The following F5 variants were observed in gnomAD, a reference collection of about 807,000 sequenced individuals.
The protein encoded by F5 is activated protein c cofactor.
F5 carries 138 observed loss-of-function variants against 216.4 expected under a neutral mutation model. The ratio of observed to expected loss-of-function variants is 0.64; its 90% CI spans 0.56 to 0.73. The LOEUF is 0.73. F5 is among the 30% of genes least tolerant of loss of function. The pLI, the probability that F5 is intolerant of heterozygous loss-of-function variation, is 0.00. For missense variants in F5, 2,403 were observed against 2,674.0 expected (o/e 0.90, Z 2.24); for synonymous variants, 916 against 930.7 (o/e 0.98, Z 0.29).
At chr1:169,577,018 A>T (rs542650174) in intron 2 of F5, among the ~76,000 whole-genome samples, 1 of 152,308 alleles carries the variant, frequency 6.6e-6, no homozygotes, top group African/African-American at 2.4e-5. Context: ...ACTTTCACGC[A>T]TGTAGGAAAA....
At chr1:169,516,351 C>T (rs1288207514) in intron 23 of F5, among the ~76,000 whole-genome samples, 1 of 152,146 alleles carries the variant, frequency 6.6e-6, no homozygotes, top group African/African-American at 2.4e-5. Context: ...GTTTTAGAGT[C>T]ATCTAAGATA....
chr1:169,524,907 G>A lies in F5; in HGVS notation c.5718C>T (p.Asp1906=). The A allele has an allele frequency of 6.2e-7, 1 of 1,611,866 alleles. No individual in the cohort carries two copies. Among genetic ancestry groups the A allele is most frequent in the Non-Finnish European group, 8.5e-7 (1 of 1,178,352 alleles). The change falls in exon 19 of 25, where the codon GAC becomes GAT. Residue 1906 remains aspartate, a splice_region_variant and synonymous_variant. Transcript: ENST00000367797. ...MQTPFLIMDR[D]CRMPMGLSTG... ...TGCTTAGTCCCATTGGCATCCTACA[G>A]TCTATGAAAAACAGAAAAAAAATGA...
intron 4 of F5, among the ~76,000 whole-genome samples, chr1:169,559,950 G>A (rs892844027): frequency 6.6e-6 from 1 of 152,084 alleles, no homozygotes; most frequent in Non-Finnish European, 1.5e-5. Flanking sequence ...CCCATGCTGT[G>A]GCTCACTGTG....
intron 10 of F5, among the ~76,000 whole-genome samples, chr1:169,546,837 A>G (rs1660016149): frequency 6.6e-6 from 1 of 152,090 alleles, no homozygotes; most frequent in Non-Finnish European, 1.5e-5. Flanking sequence ...TGGATTAAAG[A>G]CTTAAATGTA....
chr1:169,553,312 C>T (rs1660216297), intron 7 of F5, among the ~76,000 whole-genome samples: 1 of 152,188 alleles, frequency 6.6e-6, no homozygotes, highest in African/African-American at 2.4e-5. Flanking sequence ...ACCACTTTTC[C>T]CCTGCCCTCT....
chr1:169,524,870 ATATGATACCAGTGCTTAG>A lies in F5; in HGVS notation c.5737_5754del (p.Leu1913_Ile1918del). ...TCTGAAGCCTTGATCTGTGAATCAG[ATATGATACCAGTGCTTAG>A]TCCCATTGGCATCCTACAGTCTATG... On this transcript the variant is annotated inframe_deletion, in exon 19 of 25. Transcript: ENST00000367797. 1 of 1,613,858 alleles carries A rather than the reference ATATGATACCAGTGCTTAG, an allele frequency of 6.2e-7. No homozygotes were observed. Among genetic ancestry groups the A allele is most frequent in the Non-Finnish European group, 8.5e-7 (1 of 1,179,808 alleles).
chr1:169,553,524 C>T (rs748355314), intron 7 of F5, among the ~76,000 whole-genome samples: 2 of 152,094 alleles, frequency 1.3e-5, no homozygotes, highest in Non-Finnish European at 2.9e-5. Context: ...CTGGCTAACA[C>T]GGTGAAACCC....
In F5 at chr1:169,514,239, G is replaced by C. The variant is rs750633584; in HGVS notation, c.*74C>G. Reference sequence around the variant, plus strand: ...GAAAACTGTTAACATTTAACACAGCGTAAAATACATTGCCCATTCTAAATG... The same window carrying C: ...GAAAACTGTTAACATTTAACACAGCCTAAAATACATTGCCCATTCTAAATG... On this transcript the variant is annotated 3_prime_UTR_variant, in exon 25 of 25. Transcript: ENST00000367797. 1 of 1,441,668 alleles carries C rather than the reference G, an allele frequency of 6.9e-7. No individual in the cohort carries two copies. The highest frequency in any genetic ancestry group is 1.4e-5 in the African/African-American group (1 of 71,380). 89.3% of individuals were successfully genotyped at this position (1,441,668 alleles called of 1,614,324 possible). A position where few individuals can be genotyped will look rare whatever the true frequency, so the allele number is the denominator to read the frequency against.
chr1:169,541,615 A>T lies in F5; in HGVS notation c.3475T>A (p.Tyr1159Asn). ...SSPELSEMLE[Y>N]DRSHKSFPTD... ...GGGAAGGACTTGTGACTTCGGTCAT[A>T]CTCAAGCATTTCACTGAGCTCTGGA... Residue 1159 changes from tyrosine (Y) to asparagine (N), a missense_variant, in exon 13 of 25, where the codon TAT becomes AAT. This residue lies in a region of F5 where 1,425 missense variants were observed against 1,554.8 expected (regional missense o/e 0.92). Coordinates refer to ENST00000367797, the MANE Select transcript of F5 (RefSeq NM_000130.5). The T allele has an allele frequency of 1.2e-6, 2 of 1,614,118 alleles. No individual in the cohort carries two copies. Among genetic ancestry groups the T allele is most frequent in the Non-Finnish European group, 1.7e-6 (2 of 1,179,998 alleles).
chr1:169,519,335 T>TA (rs1226482412), intron 22 of F5, among the ~76,000 whole-genome samples: 9 of 152,206 alleles, frequency 5.9e-5, no homozygotes, highest in Non-Finnish European at 1.0e-4. Context: ...GCTTCTTGTA[T>TA]AAAAAATAGA....
chr1:169,552,066 T>C (rs1183475390), intron 8 of F5, among the ~76,000 whole-genome samples: 2 of 152,260 alleles, frequency 1.3e-5, no homozygotes, highest in African/African-American at 4.8e-5. Flanking sequence ...ATGCTGGTTA[T>C]AAGAATTTTA....
In F5 at chr1:169,572,286, T is replaced by G; in HGVS notation, c.308A>C (p.Lys103Thr). Residue 103 changes from lysine to threonine, a missense_variant, in exon 3 of 25, where the codon AAA becomes ACA. By Grantham distance (78) the Lys-to-Thr change is moderately conservative. This residue lies in a region of F5 where 1,425 missense variants were observed against 1,554.8 expected (regional missense o/e 0.92). Transcript: ENST00000367797. ...GCTCAAGGGCTTATCTGCCTTATTT[T>G]TAAAGTGAACTTTTATGATGTCTCC... ...EVGDIIKVHF[K>T]NKADKPLSIH... 6.2e-7 allele frequency: 1 copy of G among 1,613,406 alleles called. No homozygotes were observed. The highest frequency in any genetic ancestry group is 8.5e-7 in the Non-Finnish European group (1 of 1,179,672).
At chr1:169,578,870 A>G (rs1410902567) in intron 2 of F5, among the ~76,000 whole-genome samples, 1 of 152,148 alleles carries the variant, frequency 6.6e-6, no homozygotes, top group Non-Finnish European at 1.5e-5. Flanking sequence ...TTGAATCCCA[A>G]TGCTTCCTGC....
chr1:169,542,491 C>A lies in F5; in HGVS notation c.2599G>T (p.Gly867Ter). ...FKSQEHAKHK[G>*]PKVERDQAAK... is the part of the protein sequence containing the mutation. ...GCTTGATCTCTTTCTACCTTGGGTCCCTTATGCTTAGCATGTTCTTGACTT... is the reference window on the plus strand; with the variant it reads ...GCTTGATCTCTTTCTACCTTGGGTCACTTATGCTTAGCATGTTCTTGACTT... Residue 867 changes from glycine to a stop codon, truncating the protein, a stop_gained, in exon 13 of 25, where the codon GGA (glycine) becomes TGA (stop). Coordinates refer to ENST00000367797, the MANE Select transcript of F5 (RefSeq NM_000130.5). LOFTEE classifies it high-confidence loss of function. 1 of 1,614,050 alleles carries A rather than the reference C, an allele frequency of 6.2e-7. No homozygotes were observed. The highest frequency in any genetic ancestry group is 8.5e-7 in the Non-Finnish European group (1 of 1,179,990).
chr1:169,523,414 A>G, intron 20 of F5, 62 bp from the exon 21 acceptor site: 2 of 1,584,242 alleles, frequency 1.3e-6, no homozygotes, highest in Non-Finnish European at 1.7e-6. Flanking sequence ...CACTGCCTAA[A>G]TTCATTATAC....
chr1:169,569,423 A>G (rs1343983734), intron 3 of F5, among the ~76,000 whole-genome samples: 1 of 152,128 alleles, frequency 6.6e-6, no homozygotes, highest in Admixed American at 6.6e-5. Context: ...TAACTAAAAG[A>G]AAAGAATAAT....
In F5 at chr1:169,572,311, C is replaced by T. The variant is rs376110672; in HGVS notation, c.283G>A (p.Gly95Arg). Residue 95 changes from glycine to arginine, a missense_variant, in exon 3 of 25, where the codon GGA becomes AGA. Gly to Arg is a moderately radical substitution (Grantham distance 125, BLOSUM62 -2). This residue lies in a region of F5 where 1,425 missense variants were observed against 1,554.8 expected (regional missense o/e 0.92). Coordinates refer to ENST00000367797, the MANE Select transcript of F5 (RefSeq NM_000130.5). ...LLGPTLYAEV[G>R]DIIKVHFKNK... ...TTAAAGTGAACTTTTATGATGTCTCCGACTTCAGCATATAAAGTAGGCCCA... is the reference window on the plus strand; with the variant it reads ...TTAAAGTGAACTTTTATGATGTCTCTGACTTCAGCATATAAAGTAGGCCCA... 50 of 1,613,002 alleles carry T rather than the reference C, an allele frequency of 3.1e-5. No individual in the cohort carries two copies. The highest frequency in any genetic ancestry group is 8.9e-5 in the East Asian group (4 of 44,852).
intron 2 of F5, among the ~76,000 whole-genome samples, chr1:169,572,897 C>T (rs6691048): frequency 0.29 from 44,198 of 151,114 alleles, 6,630 homozygotes; most frequent in South Asian, 0.36. Context: ...CTATGGGCTA[C>T]GGTAAGAACT....
At chr1:169,571,697 G>A (rs571794880) in intron 3 of F5, among the ~76,000 whole-genome samples, 4 of 151,914 alleles carry the variant, frequency 2.6e-5, no homozygotes, top group Admixed American at 6.6e-5. Context: ...TGTCAGAGGC[G>A]GTCTTACTCT....
Sources: allele counts gnomAD v4.1 joint callset (sites outside exome capture counted in the v4.1 genomes callset), GRCh38; gene constraint gnomAD v4.1.1; regional missense constraint gnomAD v4.1.1; transcripts MANE v1.5; gene names NCBI Gene and HGNC (gene_info 2026-07-23, HGNC 2026-07-21).